Variants in ZNF334 observed in about 807,000 individuals in gnomAD.
ZNF334 encodes zinc finger protein 334.
In ZNF334, 14 loss-of-function variants were observed where a neutral mutation model predicts 12.4. The ratio of observed to expected loss-of-function variants is 1.13; its 90% CI spans 0.74 to 1.76. The LOEUF (loss-of-function observed/expected upper bound fraction) is 1.76. ZNF334 is among the 40% of genes most tolerant of loss of function. ZNF334 has a pLI of 0.00. For synonymous variants in ZNF334, 273 were observed against 269.6 expected, an observed-to-expected ratio of 1.01 and a Z score of -0.12; for missense variants, 797 against 804.5, an observed-to-expected ratio of 0.99 and a Z score of 0.11.
At chr20:46,489,649 CAAAAAAAA>C in the ZNF334 span, among the ~76,000 whole-genome samples, 16 of 90,744 alleles carry the variant, frequency 1.8e-4, no homozygotes, top group South Asian at 4.1e-4. Context: ...CAGACTCTCT[CAAAAAAAA>C]AAAAAAAAAA....
At chr20:46,477,924 T>C in the ZNF334 span, among the ~76,000 whole-genome samples, 5 of 152,210 alleles carry the variant, frequency 3.3e-5, no homozygotes, top group Non-Finnish European at 7.3e-5. Context: ...CTACAAATGA[T>C]GGTAGAAAAC....
At chr20:46,504,473 C>T in intron 3 of ZNF334, 141 bp downstream of exon 3, 1 of 1,225,474 alleles carries the variant, frequency 8.2e-7, no homozygotes, top group Non-Finnish European at 1.1e-6. Flanking sequence ...TGAATACATA[C>T]ACAAACTTCT....
At chr20:46,482,159 C>T in the ZNF334 span, among the ~76,000 whole-genome samples, 2 of 152,146 alleles carry the variant, frequency 1.3e-5, no homozygotes, top group Non-Finnish European at 2.9e-5. Flanking sequence ...CACTGCTAAC[C>T]CATATTGTAC....
rs557076770 is a variant in ZNF334, at chr20:46,509,566, G to A, written c.21+2516C>T. ...CAGGAGAAACTAACCTTGAAATAGT[G>A]CACAGAATAGAGAAAGGATGGGGAA... On this transcript the variant is annotated intron_variant, in intron 2 of 4. Transcript: ENST00000692313. 39 of 703,022 alleles carry A rather than the reference G, an allele frequency of 5.5e-5. No homozygotes were observed. In the South Asian group the frequency reaches 5.6e-4, roughly 10 times the overall value. The allele number at this position is 703,022 out of a possible 1,614,324, so 43.5% of individuals were successfully genotyped here.
At chr20:46,493,792 T>C in the ZNF334 span, among the ~76,000 whole-genome samples, 1 of 152,156 alleles carries the variant, frequency 6.6e-6, no homozygotes, top group Admixed American at 6.5e-5. Context: ...TAGCATGGTA[T>C]GGTGGCGTGC....
At chr20:46,495,800 G>A (rs946550531), downstream of ZNF334, among the ~76,000 whole-genome samples, 4 of 151,988 alleles carry the variant, frequency 2.6e-5, no homozygotes, top group African/African-American at 4.8e-5. Flanking sequence ...TCTATCTCCC[G>A]ACCTTCATAA....
chr20:46,509,696 A>C, intron 2 of ZNF334: 1 of 702,676 alleles, frequency 1.4e-6, no homozygotes, highest in Admixed American at 2.0e-5. Context: ...TGGCTCCACC[A>C]TCTGGCCCCT....
At chr20:46,484,915 T>A in the ZNF334 span, 1 of 165,642 alleles carries the variant, frequency 6.0e-6, no homozygotes, top group Non-Finnish European at 1.5e-5. Flanking sequence ...AAGATTGAGA[T>A]GTTAATGAGA....
In ZNF334 at chr20:46,503,116, T is replaced by C; in HGVS notation, c.242-19A>G. On this transcript the variant is annotated intron_variant, in intron 4 of 4. Transcript: ENST00000692313. ...TCAATGTCTAGAAAAAGGAACACAA[T>C]TAACGGTAATTGGTGAGCCTTTATA... is the stretch of plus-strand genomic sequence containing the variant. 1 of 1,568,418 alleles carries C rather than the reference T, an allele frequency of 6.4e-7. No individual in the cohort carries two copies. Among genetic ancestry groups the C allele is most frequent in the African/African-American group, 1.4e-5 (1 of 73,228 alleles).
chr20:46,501,342 C>T lies in ZNF334; in HGVS notation c.1997G>A (p.Arg666His), dbSNP rs773056074. 4.5e-5 allele frequency: 73 copies of T among 1,612,038 alleles called. No homozygotes were observed. The highest frequency in any genetic ancestry group is 7.7e-5 in the South Asian group (7 of 90,878). ...ATGTAAAAGAAAGTTTGATTTGTGG[C>T]GAAATGTTTTCTCACATTTGTTACA... ...YECNKCEKTF[R>H]HKSNFLLHQK... The change falls in exon 5 of 5, where the codon CGC becomes CAC. Residue 666 changes from arginine (R) to histidine (H), a missense_variant. Arg to His is a conservative substitution (Grantham distance 29). Coordinates refer to ENST00000692313, the MANE Select transcript of ZNF334 (RefSeq NM_001353824.2).
the ZNF334 span, chr20:46,485,000 G>A: frequency 1.2e-5 from 2 of 167,066 alleles, no homozygotes; most frequent in African/African-American, 2.4e-5. Flanking sequence ...TTTTTCTTAG[G>A]AAACTGGACT....
At chr20:46,489,166 C>G in the ZNF334 span, among the ~76,000 whole-genome samples, 3 of 151,910 alleles carry the variant, frequency 2.0e-5, no homozygotes, top group African/African-American at 7.3e-5. Context: ...TGCCCAGATG[C>G]CCAGTACCAA....
downstream of ZNF334, among the ~76,000 whole-genome samples, chr20:46,497,463 G>A (rs983929332): frequency 2.6e-4 from 40 of 152,310 alleles, no homozygotes; most frequent in African/African-American, 8.9e-4. Flanking sequence ...TAAAGAATAA[G>A]CTATCTTTTA....
At chr20:46,491,591 A>T in the ZNF334 span, 2 of 152,940 alleles carry the variant, frequency 1.3e-5, no homozygotes, top group Non-Finnish European at 2.9e-5. Flanking sequence ...TGAATGTAAA[A>T]AAACCTTTGC....
At chr20:46,473,349 T>C in the ZNF334 span, among the ~76,000 whole-genome samples, 2 of 152,248 alleles carry the variant, frequency 1.3e-5, no homozygotes, top group Non-Finnish European at 2.9e-5. Flanking sequence ...ATGGTTTCTA[T>C]TTCAGATTGC....
the ZNF334 span, chr20:46,474,694 A>G: frequency 6.6e-6 from 1 of 152,242 alleles, no homozygotes; most frequent in Non-Finnish European, 1.5e-5. Flanking sequence ...CAAATCTAGA[A>G]CAAAGAATTA....
intron 2 of ZNF334, chr20:46,506,361 C>T (rs1601047661): frequency 1.6e-6 from 1 of 630,358 alleles, no homozygotes. Flanking sequence ...TGTGGTGGCG[C>T]ACACCTATAA....
the ZNF334 span, among the ~76,000 whole-genome samples, chr20:46,478,671 G>A: frequency 6.6e-6 from 1 of 152,202 alleles, no homozygotes; most frequent in Non-Finnish European, 1.5e-5. Context: ...TTTGCTGAGA[G>A]GAGAGGTCCA....
the ZNF334 span, among the ~76,000 whole-genome samples, chr20:46,479,660 T>A: frequency 6.6e-6 from 1 of 152,196 alleles, no homozygotes; most frequent in Admixed American, 6.5e-5. Context: ...AGCTGTCTTG[T>A]GTGGGGAAAA....
Sources: allele counts gnomAD v4.1 joint callset (sites outside exome capture counted in the v4.1 genomes callset), GRCh38; gene constraint gnomAD v4.1.1; transcripts MANE v1.5; gene names NCBI Gene and HGNC (gene_info 2026-07-23, HGNC 2026-07-21).